REL: variants seen among roughly 807,000 people sequenced by gnomAD.
The protein encoded by REL is REL proto-oncogene, NF-kB subunit, also known as proto-oncogene c-Rel.
Under a neutral mutation model 45.9 loss-of-function variants are expected in REL, and 15 were observed. The ratio of observed to expected loss-of-function variants is 0.33; its 90% confidence interval spans 0.22 to 0.50. The LOEUF (loss-of-function observed/expected upper bound fraction) is 0.50, where lower values mean the gene tolerates loss of function less well. REL is among the 20% of genes least tolerant of loss of function. The pLI, the probability that REL is intolerant of heterozygous loss-of-function variation, is 0.98. For missense variants in REL, 601 were observed against 715.2 expected, an observed-to-expected ratio of 0.84 and a Z score of 1.82; for synonymous variants, 239 against 242.1, an observed-to-expected ratio of 0.99 and a Z score of 0.12.
intron 3 of REL, among the ~76,000 whole-genome samples, chr2:60,895,538 A>G (rs530719713): frequency 6.6e-6 from 1 of 152,328 alleles, no homozygotes; most frequent in Non-Finnish European, 1.5e-5. Flanking sequence ...GGAAAACTCT[A>G]GAGTTATTAT....
intron 1 of REL, among the ~76,000 whole-genome samples, chr2:60,891,128 G>T (rs1225250948): frequency 3.9e-5 from 6 of 152,172 alleles, no homozygotes; most frequent in African/African-American, 1.4e-4. Flanking sequence ...TATACTGTGT[G>T]TAAGTCCTTT....
rs1198681980 is a variant in REL, at chr2:60,917,699, TGTGTGTGTGTGTGTGTAC to T, written c.536-477_536-460del. On this transcript the variant is annotated intron_variant, in intron 5 of 9. Transcript: ENST00000394479. ...AAAATACTGTGTGTGTGTGTGTGTG[TGTGTGTGTGTGTGTGTAC>T]GTGTGTGTGTGTGTACATAGACTTA... 9.9e-4 allele frequency among the ~76,000 whole-genome samples: 149 copies of T among 150,244 alleles called. 3 individuals are homozygous for T. The highest frequency in any genetic ancestry group is 3.5e-3 in the African/African-American group (139 of 40,202).
At position 60,930,114 on chromosome 2, in the gene REL, A is replaced by G. The variant is rs1461614040; in HGVS notation, c.*7579A>G. ...TTAAATAGCATGGAGAAATGGAAAG[A>G]ATAGGGACTTTTTACTCAGGTAATA... On this transcript the variant is annotated 3_prime_UTR_variant, in exon 10 of 10. Transcript: ENST00000394479. 6.6e-6 allele frequency: 1 copy of G among 152,316 alleles called. No homozygotes were observed. Among genetic ancestry groups the G allele is most frequent in the African/African-American group, 2.4e-5 (1 of 41,460 alleles). 9.4% of individuals were successfully genotyped at this position (152,316 alleles called of 1,614,324 possible). A position where few individuals can be genotyped will look rare whatever the true frequency, so the allele number is the denominator to read the frequency against.
intron 1 of REL, among the ~76,000 whole-genome samples, chr2:60,888,794 G>C (rs573017404): frequency 6.6e-6 from 1 of 152,258 alleles, no homozygotes; most frequent in East Asian, 1.9e-4. Flanking sequence ...TAATTTCTGA[G>C]CTATCAGTGA....
At chr2:60,920,982 A>C (rs1222325504) in intron 9 of REL, among the ~76,000 whole-genome samples, 1 of 152,096 alleles carries the variant, frequency 6.6e-6, no homozygotes, top group Non-Finnish European at 1.5e-5. Context: ...ATTTGATTAA[A>C]TATTATCTCT....
Position 60,891,714 on chromosome 2 carries a change from A to G in REL, c.42A>G (p.Glu14=). 6.2e-7 allele frequency: 1 copy of G among 1,613,988 alleles called. No homozygotes were observed. Among genetic ancestry groups the G allele is most frequent in the Non-Finnish European group, 8.5e-7 (1 of 1,179,932 alleles). ...ATAACCCGTATATAGAGATAATTGAACAACCCAGGCAGAGGGGAATGCGTT... is the reference window on the plus strand; with the variant it reads ...ATAACCCGTATATAGAGATAATTGAGCAACCCAGGCAGAGGGGAATGCGTT... ...GAYNPYIEII[E]QPRQRGMRFR... Residue 14 remains glutamate (E), a synonymous_variant, in exon 2 of 10, where the codon GAA becomes GAG. Transcript: ENST00000394479.
At chr2:60,902,391 A>G (rs1316980084) in intron 4 of REL, among the ~76,000 whole-genome samples, 1 of 151,996 alleles carries the variant, frequency 6.6e-6, no homozygotes, top group Non-Finnish European at 1.5e-5. Context: ...ATTTTTCTAG[A>G]ATTTTCTTTA....
At chr2:60,911,909 A>T (rs933231038) in intron 4 of REL, among the ~76,000 whole-genome samples, 2 of 151,286 alleles carry the variant, frequency 1.3e-5, no homozygotes, top group Non-Finnish European at 2.9e-5. Flanking sequence ...GAGGCAGGAG[A>T]ATCACTTGAA....
rs1673180224 is a variant in REL, at chr2:60,890,440, A to G, written c.11-1243A>G. Among the ~76,000 whole-genome samples the G allele has an allele frequency of 2.0e-5, 3 of 152,120 alleles. No individual in the cohort carries two copies. The South Asian group carries it at 6.2e-4, about 31-fold the overall frequency. On this transcript the variant is annotated intron_variant, in intron 1 of 9. Coordinates refer to ENST00000394479, the MANE Select transcript of REL (RefSeq NM_001291746.2). Reference sequence around the variant, plus strand: ...AGGATTCTAAAGGCCTCTTCTCCATACTGTTCTGATAAGGCCCACTGTGTT... The same window carrying G: ...AGGATTCTAAAGGCCTCTTCTCCATGCTGTTCTGATAAGGCCCACTGTGTT...
chr2:60,886,766 G>A (rs565580482), intron 1 of REL, among the ~76,000 whole-genome samples: 1 of 151,840 alleles, frequency 6.6e-6, no homozygotes. Flanking sequence ...TATTTTAAAA[G>A]CTCATGCTTT....
At chr2:60,882,218 C>T (rs182689714) in intron 1 of REL, among the ~76,000 whole-genome samples, 3 of 152,300 alleles carry the variant, frequency 2.0e-5, no homozygotes, top group African/African-American at 7.2e-5. Context: ...CTTCAGACCT[C>T]GGGCAAGCTC....
intron 4 of REL, among the ~76,000 whole-genome samples, chr2:60,914,955 C>T (rs951120823): frequency 1.3e-5 from 2 of 151,938 alleles, no homozygotes; most frequent in Non-Finnish European, 2.9e-5. Flanking sequence ...CCTCAGCCTC[C>T]CAAGTAGCTG....
chr2:60,891,270 A>G (rs1673203260), intron 1 of REL, among the ~76,000 whole-genome samples: 2 of 152,226 alleles, frequency 1.3e-5, no homozygotes, highest in Admixed American at 6.5e-5. Flanking sequence ...AAATATATTT[A>G]ACTCACTTTA....
intron 4 of REL, among the ~76,000 whole-genome samples, chr2:60,910,321 C>T (rs1040019517): frequency 4.6e-5 from 7 of 151,048 alleles, no homozygotes; most frequent in Non-Finnish European, 8.9e-5. Context: ...AAAAATTAGC[C>T]GGGCATGGTG....
chr2:60,914,994 G>A (rs1007635617), intron 4 of REL, among the ~76,000 whole-genome samples: 2 of 151,980 alleles, frequency 1.3e-5, no homozygotes, highest in African/African-American at 4.8e-5. Context: ...ACCACGCCTG[G>A]CTAATTTTTT....
chr2:60,919,061 A>G (rs1334924445), intron 7 of REL, among the ~76,000 whole-genome samples: 1 of 152,182 alleles, frequency 6.6e-6, no homozygotes, highest in African/African-American at 2.4e-5. Context: ...AATAATTTCA[A>G]AGTATCTAAA....
chr2:60,900,736 T>A (rs1295155648), intron 3 of REL: 2 of 366,460 alleles, frequency 5.5e-6, no homozygotes, highest in Admixed American at 5.3e-5. Flanking sequence ...TTGATCAGGC[T>A]GGTCTGGAAC....
rs750577721 is a variant in REL, at chr2:60,922,096, C to T, written c.1325C>T (p.Ala442Val). 7 of 1,613,950 alleles carry T rather than the reference C, an allele frequency of 4.3e-6. No homozygotes were observed. The highest frequency in any genetic ancestry group is 2.7e-5 in the African/African-American group (2 of 74,920). The change falls in exon 10 of 10, where the codon GCG becomes GTG. Residue 442 changes from alanine (A) to valine (V), a missense_variant. This residue lies in a region of REL where 334 missense variants were observed against 333.1 expected (regional missense o/e 1.00). Coordinates refer to ENST00000394479, the MANE Select transcript of REL (RefSeq NM_001291746.2). ...GCCGATGACATAGTCGGAATGGAAG[C>T]GTCATCCATGCCATCAGCAGATTTA... ...NNADDIVGME[A>V]SSMPSADLYG...
At chr2:60,902,657 G>C (rs536063061) in intron 4 of REL, among the ~76,000 whole-genome samples, 10 of 144,416 alleles carry the variant, frequency 6.9e-5, no homozygotes, top group Non-Finnish European at 1.2e-4. Flanking sequence ...GCAGTGATGT[G>C]ATCACAGATC....
Sources: allele counts gnomAD v4.1 joint callset (sites outside exome capture counted in the v4.1 genomes callset), GRCh38; gene constraint gnomAD v4.1.1; regional missense constraint gnomAD v4.1.1; transcripts MANE v1.5; gene names NCBI Gene and HGNC (gene_info 2026-07-23, HGNC 2026-07-21).